The following ABTB3 variants were observed in gnomAD, a reference collection of about 807,000 sequenced individuals.
ABTB3 encodes the protein ankyrin repeat and BTB domain containing 3.
At chr12:107,334,708 A>G in the ABTB3 span, among the ~76,000 whole-genome samples, 4 of 152,150 alleles carry the variant, frequency 2.6e-5, no homozygotes, top group African/African-American at 9.7e-5. Flanking sequence ...GAGGTGGGCA[A>G]GGTCACAGCG....
At chr12:107,625,424 C>G in the ABTB3 span, among the ~76,000 whole-genome samples, 2 of 152,126 alleles carry the variant, frequency 1.3e-5, no homozygotes, top group Non-Finnish European at 2.9e-5. Context: ...CTTATTTAGA[C>G]CTTCTGCTTT....
the ABTB3 span, chr12:107,635,487 C>A: frequency 9.4e-7 from 1 of 1,062,394 alleles, no homozygotes; most frequent in Non-Finnish European, 1.4e-6. Flanking sequence ...GGAGGGGGTT[C>A]AAGGGCAAAC....
the ABTB3 span, among the ~76,000 whole-genome samples, chr12:107,497,946 G>T: frequency 6.6e-6 from 1 of 152,034 alleles, no homozygotes; most frequent in South Asian, 2.1e-4. Context: ...TTTTTCCCAT[G>T]TCAGGAGGGC....
At chr12:107,639,219 G>A in the ABTB3 span, among the ~76,000 whole-genome samples, 1 of 152,230 alleles carries the variant, frequency 6.6e-6, no homozygotes, top group Non-Finnish European at 1.5e-5. Flanking sequence ...CATTGCTCAA[G>A]CACACACACA....
At chr12:107,452,362 A>G in the ABTB3 span, among the ~76,000 whole-genome samples, 1 of 151,492 alleles carries the variant, frequency 6.6e-6, no homozygotes, top group Non-Finnish European at 1.5e-5. Context: ...GCCCACCACC[A>G]CGCCCGGCTA....
At chr12:107,376,630 A>T in the ABTB3 span, among the ~76,000 whole-genome samples, 1 of 152,076 alleles carries the variant, frequency 6.6e-6, no homozygotes, top group African/African-American at 2.4e-5. Flanking sequence ...CCCTTAAAAG[A>T]CCTGCCCTTA....
the ABTB3 span, among the ~76,000 whole-genome samples, chr12:107,611,253 C>G: frequency 2.0e-5 from 3 of 151,994 alleles, no homozygotes; most frequent in Non-Finnish European, 4.4e-5. Flanking sequence ...ATTATGTTGT[C>G]CAGGCTGGCC....
At chr12:107,400,505 G>C in the ABTB3 span, among the ~76,000 whole-genome samples, 1 of 152,132 alleles carries the variant, frequency 6.6e-6, no homozygotes, top group African/African-American at 2.4e-5. Context: ...AGTGACATTT[G>C]TGTCTGTTTG....
chr12:107,371,960 C>G, the ABTB3 span, among the ~76,000 whole-genome samples: 1 of 152,222 alleles, frequency 6.6e-6, no homozygotes, highest in African/African-American at 2.4e-5. Context: ...GTTTGCTCTC[C>G]TGTCCTGTAG....
the ABTB3 span, among the ~76,000 whole-genome samples, chr12:107,584,527 A>G: frequency 6.6e-6 from 1 of 152,252 alleles, no homozygotes; most frequent in Admixed American, 6.5e-5. Flanking sequence ...TGAGTCGGTC[A>G]GAGCTGAGCT....
At chr12:107,615,116 C>T in the ABTB3 span, 22 of 1,613,928 alleles carry the variant, frequency 1.4e-5, no homozygotes, top group Non-Finnish European at 1.7e-5. Flanking sequence ...CGCCATTGGA[C>T]GGCTCTGACT....
the ABTB3 span, among the ~76,000 whole-genome samples, chr12:107,605,220 T>C: frequency 6.6e-6 from 1 of 152,234 alleles, no homozygotes; most frequent in Non-Finnish European, 1.5e-5. Context: ...ACCTATCCAT[T>C]GGCACAGTGT....
At chr12:107,649,456 T>A in the ABTB3 span, 12 of 605,670 alleles carry the variant, frequency 2.0e-5, no homozygotes, top group African/African-American at 1.6e-4. Context: ...AGGAAGGGCT[T>A]CTCATCAGAG....
At chr12:107,447,399 C>A in the ABTB3 span, among the ~76,000 whole-genome samples, 1 of 152,174 alleles carries the variant, frequency 6.6e-6, no homozygotes, top group Non-Finnish European at 1.5e-5. Context: ...ACCTCGGCCT[C>A]CCAAAATGCT....
the ABTB3 span, among the ~76,000 whole-genome samples, chr12:107,566,690 T>G: frequency 1.9e-5 from 2 of 104,502 alleles, no homozygotes; most frequent in African/African-American, 8.1e-5. Context: ...CACACAAACA[T>G]CTTTACCAAA....
the ABTB3 span, among the ~76,000 whole-genome samples, chr12:107,486,234 A>C: frequency 2.0e-5 from 3 of 152,102 alleles, no homozygotes; most frequent in Non-Finnish European, 4.4e-5. Context: ...AGCCCCATTA[A>C]TCTTGAGGGA....
the ABTB3 span, chr12:107,649,410 C>T: frequency 1.2e-6 from 1 of 809,098 alleles, no homozygotes; most frequent in South Asian, 1.5e-5. Context: ...AGACTTGGGG[C>T]TCTTGTTCCT....
chr12:107,545,612 C>A, the ABTB3 span, among the ~76,000 whole-genome samples: 2 of 152,130 alleles, frequency 1.3e-5, no homozygotes, highest in African/African-American at 4.8e-5. Flanking sequence ...TTAACTTATT[C>A]AGGAAATTAA....
the ABTB3 span, among the ~76,000 whole-genome samples, chr12:107,392,244 C>T: frequency 6.6e-6 from 1 of 152,190 alleles, no homozygotes; most frequent in Admixed American, 6.5e-5. Flanking sequence ...CTTCTTTGGG[C>T]TTCCCTGCTC....
Sources: allele counts gnomAD v4.1 joint callset (sites outside exome capture counted in the v4.1 genomes callset), GRCh38; gene constraint gnomAD v4.1.1; transcripts MANE v1.5; gene names NCBI Gene and HGNC (gene_info 2026-07-23, HGNC 2026-07-21).